Variants in WDR70 observed in about 807,000 individuals in gnomAD.
WDR70 encodes the protein WD repeat domain 70.
A neutral mutation model predicts 88.6 loss-of-function variants in WDR70; 53 were observed. The observed-to-expected ratio is 0.60, with a 90% CI of 0.48 to 0.75. The LOEUF (loss-of-function observed/expected upper bound fraction) is 0.75. Among genes scored for constraint, WDR70 ranks in the 30% least tolerant of loss-of-function variants. WDR70 has a pLI of 0.00. For missense variants in WDR70, 610 were observed against 823.2 expected (o/e 0.74, Z 3.17); for synonymous variants, 280 against 270.0 (o/e 1.04, Z -0.36).
intron 9 of WDR70, among the ~76,000 whole-genome samples, chr5:37,553,936 C>G (rs41424144): frequency 0.16 from 24,689 of 152,036 alleles, 2,122 homozygotes; most frequent in South Asian, 0.27. Flanking sequence ...CATGGTAGCA[C>G]TCCATAAAAG....
At chr5:37,500,476 A>T (rs1740373746) in intron 8 of WDR70, among the ~76,000 whole-genome samples, 2 of 152,172 alleles carry the variant, frequency 1.3e-5, no homozygotes, top group African/African-American at 4.8e-5. Context: ...GTTGGATCGA[A>T]CGGTAGATTT....
rs370410258 is a variant in WDR70 at position 37,482,203 on chromosome 5, G to T, written c.840+2216G>T. Among the ~76,000 whole-genome samples the T allele has an allele frequency of 8.1e-4, 124 of 152,210 alleles. 2 individuals carry two copies. In the South Asian group the frequency reaches 0.021, roughly 26 times the overall value. ...TGTTCCAGCCTCTCCCTGTTACCCA[G>T]TTCCAAAGTTGCTTCCACATTTTCG... On this transcript the variant is annotated intron_variant, in intron 8 of 17. Coordinates refer to ENST00000265107, the MANE Select transcript of WDR70 (RefSeq NM_018034.4).
chr5:37,486,858 G>T (rs1739889987), intron 8 of WDR70, among the ~76,000 whole-genome samples: 1 of 150,544 alleles, frequency 6.6e-6, no homozygotes, highest in African/African-American at 2.4e-5. Flanking sequence ...TATCAGTGTT[G>T]GACATTAGAT....
At chr5:37,541,658 G>T (rs1192427299) in intron 9 of WDR70, among the ~76,000 whole-genome samples, 1 of 152,066 alleles carries the variant, frequency 6.6e-6, no homozygotes, top group Non-Finnish European at 1.5e-5. Flanking sequence ...TTTTAAAAAG[G>T]TGGGCATGGA....
chr5:37,641,982 T>A (rs1745116295), intron 10 of WDR70, among the ~76,000 whole-genome samples: 1 of 152,212 alleles, frequency 6.6e-6, no homozygotes, highest in South Asian at 2.1e-4. Flanking sequence ...TGTAGTGACT[T>A]TAACAAATAA....
intron 10 of WDR70, among the ~76,000 whole-genome samples, chr5:37,681,853 C>G (rs996567882): frequency 6.6e-6 from 1 of 152,004 alleles, no homozygotes; most frequent in Non-Finnish European, 1.5e-5. Flanking sequence ...TGGATTTTTG[C>G]ATTGATGTTC....
intron 8 of WDR70, among the ~76,000 whole-genome samples, chr5:37,493,714 T>C (rs1740135142): frequency 6.6e-6 from 1 of 152,130 alleles, no homozygotes; most frequent in African/African-American, 2.4e-5. Context: ...AATAGAAAAC[T>C]AATGCAGTTC....
Position 37,752,473 on chromosome 5 carries a change from A to C in WDR70, c.1878-13A>C. 6.3e-7 allele frequency: 1 copy of C among 1,596,714 alleles called. No homozygotes were observed. The highest frequency in any genetic ancestry group is 8.5e-7 in the Non-Finnish European group (1 of 1,174,078). On this transcript the variant is annotated splice_polypyrimidine_tract_variant and intron_variant, in intron 17 of 17. Transcript: ENST00000265107. ...ACTAAATTTTTCCTTCTCTTCTTTA[A>C]CTTTTCTTTTAGGACTCAGCCCAAA...
At chr5:37,560,067 A>C (rs1742454382) in intron 9 of WDR70, among the ~76,000 whole-genome samples, 1 of 152,148 alleles carries the variant, frequency 6.6e-6, no homozygotes. Flanking sequence ...TAGCAGAATA[A>C]AATTTTGATA....
intron 8 of WDR70, among the ~76,000 whole-genome samples, chr5:37,497,427 C>CTCTTCCCTTCCCTTCTG (rs1740260307): frequency 1.4e-4 from 5 of 34,840 alleles, no homozygotes; most frequent in African/African-American, 1.9e-4. Context: ...CTTCCCTTCC[C>CTCTTCCCTTCCCTTCTG]TCTTCCCTTC....
chr5:37,400,477 G>A (rs1333476703), intron 5 of WDR70, among the ~76,000 whole-genome samples: 2 of 152,032 alleles, frequency 1.3e-5, no homozygotes, highest in Non-Finnish European at 2.9e-5. Context: ...TACTTCCACT[G>A]ATCTCATAGA....
intron 8 of WDR70, among the ~76,000 whole-genome samples, chr5:37,502,822 C>T (rs1351471589): frequency 6.6e-6 from 1 of 152,054 alleles, no homozygotes; most frequent in Non-Finnish European, 1.5e-5. Flanking sequence ...AGAGAGTGAG[C>T]GGGGACTTGT....
intron 10 of WDR70, among the ~76,000 whole-genome samples, chr5:37,633,003 T>C (rs1037830382): frequency 6.6e-6 from 1 of 152,020 alleles, no homozygotes; most frequent in Non-Finnish European, 1.5e-5. Flanking sequence ...ATATTGACCA[T>C]GGTGTTACAG....
intron 10 of WDR70, among the ~76,000 whole-genome samples, chr5:37,659,363 A>G (rs1261918060): frequency 6.6e-6 from 1 of 152,138 alleles, no homozygotes; most frequent in East Asian, 1.9e-4. Flanking sequence ...TATTCTTGAA[A>G]ATAGTATTTT....
At chr5:37,659,572 C>T (rs1043311593) in intron 10 of WDR70, among the ~76,000 whole-genome samples, 3 of 152,186 alleles carry the variant, frequency 2.0e-5, no homozygotes, top group African/African-American at 7.2e-5. Context: ...TGTGTCTTAG[C>T]TCAGGCTGCC....
chr5:37,602,557 C>T (rs190958930), intron 9 of WDR70, among the ~76,000 whole-genome samples: 5 of 149,874 alleles, frequency 3.3e-5, no homozygotes, highest in Non-Finnish European at 7.4e-5. Flanking sequence ...ACCTGGGAGG[C>T]GGAGGCTGCA....
At chr5:37,550,558 C>T (rs1020554574) in intron 9 of WDR70, among the ~76,000 whole-genome samples, 6 of 152,166 alleles carry the variant, frequency 3.9e-5, no homozygotes, top group African/African-American at 1.4e-4. Context: ...TATAGCTACT[C>T]CTGCTCTTTT....
chr5:37,408,698 A>G (rs1581255524), intron 5 of WDR70, among the ~76,000 whole-genome samples: 1 of 152,138 alleles, frequency 6.6e-6, no homozygotes, highest in African/African-American at 2.4e-5. Context: ...AGTTATAGCA[A>G]TGACAAGTTA....
chr5:37,668,778 A>AGAT (rs1184963844), intron 10 of WDR70, among the ~76,000 whole-genome samples: 1 of 152,188 alleles, frequency 6.6e-6, no homozygotes. Context: ...ACCTGGTTTG[A>AGAT]GATGACCAAA....
Sources: allele counts gnomAD v4.1 joint callset (sites outside exome capture counted in the v4.1 genomes callset), GRCh38; gene constraint gnomAD v4.1.1; transcripts MANE v1.5; gene names NCBI Gene and HGNC (gene_info 2026-07-23, HGNC 2026-07-21).